MEIKIN: variants seen among roughly 807,000 people sequenced by gnomAD.
MEIKIN encodes meiosis-specific kinetochore protein.
chr5:131,885,087 C>T (rs1303300396), intron 8 of MEIKIN, among the ~76,000 whole-genome samples: 1 of 152,104 alleles, frequency 6.6e-6, no homozygotes, highest in Non-Finnish European at 1.5e-5. Context: ...CTGGACCTGC[C>T]CAGGGTCTGG....
intron 4 of MEIKIN, among the ~76,000 whole-genome samples, chr5:131,938,942 A>G (rs1580916782): frequency 6.6e-6 from 1 of 152,242 alleles, no homozygotes. Flanking sequence ...GGACCAGGCC[A>G]TATTACCAGA....
intron 9 of MEIKIN, among the ~76,000 whole-genome samples, chr5:131,859,793 C>T (rs140001863): frequency 5.7e-4 from 87 of 152,224 alleles, no homozygotes; most frequent in African/African-American, 2.0e-3. Flanking sequence ...TTCTGAGCAT[C>T]GTTTACTGGA....
At chr5:131,882,038 A>G (rs779512433) in intron 8 of MEIKIN, among the ~76,000 whole-genome samples, 5 of 152,040 alleles carry the variant, frequency 3.3e-5, no homozygotes, top group Non-Finnish European at 5.9e-5. Context: ...CATTCATCCA[A>G]TTTCTCAAGA....
At chr5:131,824,242 T>A (rs1749570098) in intron 11 of MEIKIN, among the ~76,000 whole-genome samples, 1 of 151,912 alleles carries the variant, frequency 6.6e-6, no homozygotes. Flanking sequence ...AGGCCAGGCG[T>A]GGTGGCTCAC....
chr5:131,916,656 T>C (rs1045805678), intron 7 of MEIKIN, among the ~76,000 whole-genome samples: 11 of 152,232 alleles, frequency 7.2e-5, no homozygotes, highest in Admixed American at 7.2e-4. Context: ...CTCTTGAATT[T>C]TTCTCAAACT....
chr5:131,941,836 C>T (rs1017342909), intron 4 of MEIKIN, among the ~76,000 whole-genome samples: 1 of 152,196 alleles, frequency 6.6e-6, no homozygotes, highest in Non-Finnish European at 1.5e-5. Context: ...TCCAGTTACA[C>T]AAGCCAGAAA....
At chr5:131,889,517 G>T (rs866481764) in intron 8 of MEIKIN, among the ~76,000 whole-genome samples, 1 of 152,152 alleles carries the variant, frequency 6.6e-6, no homozygotes, top group Non-Finnish European at 1.5e-5. Context: ...CTGTTTCTCT[G>T]TTATTGGTGT....
In MEIKIN at chr5:131,871,505, C is replaced by T. The variant is rs551957915; in HGVS notation, c.774+7473G>A. On this transcript the variant is annotated intron_variant, in intron 9 of 12. Transcript: ENST00000442687. ...AGGTAAACAAAGCGGCTGGGAAGCT[C>T]GAACTGGGTGGAGCCCACCACAGCT... 7.4e-4 allele frequency among the ~76,000 whole-genome samples: 112 copies of T among 152,340 alleles called. 2 individuals carry two copies. In the East Asian group the frequency reaches 9.3e-3, roughly 13 times the overall value.
At chr5:131,848,268 C>A (rs1750051898) in intron 11 of MEIKIN, among the ~76,000 whole-genome samples, 1 of 151,800 alleles carries the variant, frequency 6.6e-6, no homozygotes, top group African/African-American at 2.4e-5. Context: ...ACAAAACTGG[C>A]AAACCTTTAA....
intron 8 of MEIKIN, among the ~76,000 whole-genome samples, chr5:131,894,425 A>G (rs544908329): frequency 3.2e-4 from 48 of 152,254 alleles, no homozygotes; most frequent in African/African-American, 1.0e-3. Flanking sequence ...GTTTTTTCCA[A>G]TTCTGTGAAG....
intron 9 of MEIKIN, among the ~76,000 whole-genome samples, chr5:131,861,605 T>C (rs190195588): frequency 1.7e-3 from 257 of 152,350 alleles, no homozygotes; most frequent in Admixed American, 3.5e-3. Flanking sequence ...ATATTGCCTT[T>C]ATTATTTTAA....
At chr5:131,841,996 C>A (rs1318537300) in intron 11 of MEIKIN, among the ~76,000 whole-genome samples, 3 of 151,796 alleles carry the variant, frequency 2.0e-5, no homozygotes, top group Admixed American at 2.0e-4. Flanking sequence ...TCTACAGAGA[C>A]AATTTAACTT....
chr5:131,837,708 G>A (rs1749833970), intron 11 of MEIKIN, among the ~76,000 whole-genome samples: 1 of 152,188 alleles, frequency 6.6e-6, no homozygotes, highest in African/African-American at 2.4e-5. Flanking sequence ...CATTGATTTT[G>A]TATCCTGAGA....
At chr5:131,902,859 G>A (rs1264120611) in intron 8 of MEIKIN, among the ~76,000 whole-genome samples, 6 of 152,092 alleles carry the variant, frequency 3.9e-5, no homozygotes, top group Admixed American at 2.6e-4. Context: ...GAGGATCATC[G>A]ACATACAGTA....
intron 11 of MEIKIN, among the ~76,000 whole-genome samples, chr5:131,827,670 A>G (rs1006111250): frequency 2.0e-5 from 3 of 152,212 alleles, no homozygotes; most frequent in African/African-American, 7.2e-5. Flanking sequence ...CCAGAAAAGC[A>G]TAACAATCAT....
At chr5:131,861,254 T>C (rs1750280810) in intron 9 of MEIKIN, among the ~76,000 whole-genome samples, 1 of 151,872 alleles carries the variant, frequency 6.6e-6, no homozygotes, top group Admixed American at 6.6e-5. Flanking sequence ...CTGGGCATGG[T>C]GGTGCATGCC....
chr5:131,922,697 G>A (rs1194056843), intron 5 of MEIKIN, among the ~76,000 whole-genome samples: 5 of 152,062 alleles, frequency 3.3e-5, no homozygotes, highest in East Asian at 3.9e-4. Context: ...CTGTATATTC[G>A]CCCATCCCCA....
chr5:131,887,158 A>AACTCAT (rs1435484192), intron 8 of MEIKIN, among the ~76,000 whole-genome samples: 2 of 152,048 alleles, frequency 1.3e-5, no homozygotes, highest in Non-Finnish European at 2.9e-5. Context: ...AAAGGACATG[A>AACTCAT]ACTCATACTT....
chr5:131,936,172 G>C (rs1020972716), intron 4 of MEIKIN, among the ~76,000 whole-genome samples: 2 of 152,208 alleles, frequency 1.3e-5, no homozygotes, highest in East Asian at 3.8e-4. Context: ...TGTTAATGCT[G>C]TATCAGTGGG....
Sources: gnomAD v4.1 joint callset for allele counts (sites outside exome capture counted in the v4.1 genomes callset) on GRCh38, gnomAD v4.1.1 for gene constraint, MANE v1.5 for transcripts, NCBI Gene and HGNC (gene_info 2026-07-23, HGNC 2026-07-21) for gene names.